PKIB: variants seen among roughly 807,000 people sequenced by gnomAD.
PKIB encodes the protein cAMP-dependent protein kinase inhibitor beta.
In PKIB, 2 loss-of-function variants were observed where a neutral mutation model predicts 4.5. The observed-to-expected ratio is 0.44, with a 90% CI of 0.18 to 1.39. PKIB has a LOEUF of 1.39. Ranked by LOEUF, PKIB falls within the 40% of genes most tolerant of loss-of-function variation. The pLI, the probability that PKIB is intolerant of heterozygous loss-of-function variation, is 0.27. For synonymous variants in PKIB, 38 were observed against 36.0 expected, an observed-to-expected ratio of 1.06 and a Z score of -0.20; for missense variants, 94 against 92.6, an observed-to-expected ratio of 1.02 and a Z score of -0.06.
At chr6:122,556,871 A>G (rs912263286) in intron 2 of PKIB, among the ~76,000 whole-genome samples, 1 of 152,234 alleles carries the variant, frequency 6.6e-6, no homozygotes, top group African/African-American at 2.4e-5. Context: ...AAGCCAAAAC[A>G]CTGGATATGT....
At chr6:122,640,752 TAACTC>T (rs1342642208) in intron 2 of PKIB, among the ~76,000 whole-genome samples, 2 of 152,218 alleles carry the variant, frequency 1.3e-5, no homozygotes, top group African/African-American at 2.4e-5. Flanking sequence ...GTAAGAACGT[TAACTC>T]AACGAACTGT....
chr6:122,525,972 C>G (rs1777082169), intron 2 of PKIB, among the ~76,000 whole-genome samples: 1 of 152,126 alleles, frequency 6.6e-6, no homozygotes. Flanking sequence ...ACTGATTTAT[C>G]AACTATGTTT....
chr6:122,552,883 G>A (rs1772719716), intron 2 of PKIB, among the ~76,000 whole-genome samples: 1 of 152,156 alleles, frequency 6.6e-6, no homozygotes, highest in African/African-American at 2.4e-5. Context: ...GGGTTGGGTG[G>A]AGAGTGGACA....
intron 2 of PKIB, among the ~76,000 whole-genome samples, chr6:122,561,995 T>G (rs1217066366): frequency 8.2e-5 from 6 of 73,264 alleles, no homozygotes; most frequent in African/African-American, 1.9e-4. Context: ...TTTGTTTTTG[T>G]TTTTTTTTGT....
At chr6:122,551,772 G>A (rs1004023094) in intron 2 of PKIB, among the ~76,000 whole-genome samples, 1 of 148,540 alleles carries the variant, frequency 6.7e-6, no homozygotes, top group Non-Finnish European at 1.5e-5. Flanking sequence ...AAGACCTCCT[G>A]TTTTGTCTTT....
chr6:122,501,573 T>A (rs1776237370), intron 2 of PKIB, among the ~76,000 whole-genome samples: 1 of 152,194 alleles, frequency 6.6e-6, no homozygotes, highest in Admixed American at 6.5e-5. Flanking sequence ...TGGCCCCTTT[T>A]AGCGATGGCT....
chr6:122,668,324 G>GAC (rs1777314212), intron 2 of PKIB, among the ~76,000 whole-genome samples: 1 of 152,140 alleles, frequency 6.6e-6, no homozygotes, highest in Admixed American at 6.5e-5. Context: ...AAAGACCGTG[G>GAC]ATAATGCAGT....
chr6:122,645,732 C>T (rs1364534011), intron 2 of PKIB, among the ~76,000 whole-genome samples: 1 of 152,094 alleles, frequency 6.6e-6, no homozygotes, highest in African/African-American at 2.4e-5. Flanking sequence ...TAGGTGGGGC[C>T]ACGGGTTAAA....
At chr6:122,589,216 C>A (rs943955560) in intron 3 of PKIB, among the ~76,000 whole-genome samples, 7 of 151,894 alleles carry the variant, frequency 4.6e-5, no homozygotes, top group African/African-American at 7.3e-5. Context: ...AATGTTTTTG[C>A]GTAGGGGAAT....
chr6:122,575,725 C>T, intron 2 of PKIB, among the ~76,000 whole-genome samples: 1 of 152,086 alleles, frequency 6.6e-6, no homozygotes, highest in East Asian at 1.9e-4. Context: ...TACAACGATG[C>T]AAAGGCATAA....
intron 2 of PKIB, among the ~76,000 whole-genome samples, chr6:122,636,495 CTT>C (rs762204945): frequency 9.2e-5 from 14 of 151,716 alleles, no homozygotes; most frequent in Non-Finnish European, 1.8e-4. Flanking sequence ...ATGTACAAGA[CTT>C]AAGAAAATAA....
rs79219313 is a variant in PKIB, at chr6:122,568,633, G to A, written c.-247-17288G>A. Among the ~76,000 whole-genome samples the A allele has an allele frequency of 5.9e-5, 9 of 152,334 alleles. No homozygotes were observed. The East Asian group carries it at 9.7e-4, about 16-fold the overall frequency. On this transcript the variant is annotated intron_variant, in intron 2 of 6. Transcript: ENST00000392491. ...ATATCTCACAGGGGCCCTCAAAGAAGTCAGCCAGTGAGCTCAGGAAGTGGG... is the reference window on the plus strand; with the variant it reads ...ATATCTCACAGGGGCCCTCAAAGAAATCAGCCAGTGAGCTCAGGAAGTGGG...
intron 3 of PKIB, among the ~76,000 whole-genome samples, chr6:122,692,749 G>GT (rs1778408377): frequency 6.6e-6 from 1 of 151,980 alleles, no homozygotes; most frequent in Non-Finnish European, 1.5e-5. Flanking sequence ...TTAAATTGTT[G>GT]TTTCTGTCAG....
At chr6:122,603,112 T>C (rs2114744026) in intron 3 of PKIB, among the ~76,000 whole-genome samples, 1 of 152,264 alleles carries the variant, frequency 6.6e-6, no homozygotes, top group South Asian at 2.1e-4. Flanking sequence ...TGAACAGTGA[T>C]ACAGGAGCTA....
At chr6:122,585,659 G>A (rs1224581937) in intron 2 of PKIB, 1 of 152,066 alleles carries the variant, frequency 6.6e-6, no homozygotes, top group East Asian at 1.9e-4. Flanking sequence ...TTATGTAAGT[G>A]AACACTGCAA....
chr6:122,718,414 G>A (rs993566862), intron 4 of PKIB, among the ~76,000 whole-genome samples: 4 of 152,112 alleles, frequency 2.6e-5, no homozygotes, highest in Admixed American at 2.0e-4. Flanking sequence ...TTACTATCAA[G>A]TAGAGATGAG....
intron 2 of PKIB, among the ~76,000 whole-genome samples, chr6:122,514,234 T>C (rs1347698512): frequency 6.6e-6 from 1 of 152,220 alleles, no homozygotes; most frequent in Non-Finnish European, 1.5e-5. Flanking sequence ...AAAAATTCTT[T>C]CTTTGAGAAT....
chr6:122,472,811 TA>T (rs1349239174), intron 1 of PKIB, among the ~76,000 whole-genome samples: 2 of 152,182 alleles, frequency 1.3e-5, no homozygotes, highest in African/African-American at 4.8e-5. Flanking sequence ...AGCAAAGTAT[TA>T]TAATAGAGCA....
chr6:122,603,623 G>A (rs1774441545), intron 3 of PKIB, among the ~76,000 whole-genome samples: 1 of 152,054 alleles, frequency 6.6e-6, no homozygotes, highest in Admixed American at 6.5e-5. Context: ...TGCAATTATA[G>A]GTATGTGCTA....
Sources: gnomAD v4.1 joint callset for allele counts (sites outside exome capture counted in the v4.1 genomes callset) on GRCh38, gnomAD v4.1.1 for gene constraint, MANE v1.5 for transcripts, NCBI Gene and HGNC (gene_info 2026-07-23, HGNC 2026-07-21) for gene names.